Variants in PSD3 observed in about 807,000 individuals in gnomAD.
The protein encoded by PSD3 is PH and SEC7 domain-containing protein 3.
Under a neutral mutation model 105.5 loss-of-function variants are expected in PSD3, and 49 were observed. That is an observed-to-expected ratio of 0.46 (90% CI 0.37 to 0.59). The LOEUF (loss-of-function observed/expected upper bound fraction) is 0.59, where lower values mean the gene tolerates loss of function less well. Among genes scored for constraint, PSD3 ranks in the 20% least tolerant of loss-of-function variants. The pLI is 0.00. For synonymous variants in PSD3, 557 were observed against 457.8 expected (o/e 1.22, Z -2.77); for missense variants, 1,561 against 1,263.8 (o/e 1.24, Z -3.57).
rs553655398 is a variant in PSD3 at position 18,744,432 on chromosome 8, T to C, written c.2172+21017A>G. ...CCACTACTCATAACTCTACGTGGTC[T>C]TTTTAACAACTGTATTAATTACATG... On this transcript the variant is annotated intron_variant, in intron 9 of 15. Transcript: ENST00000327040. Among the ~76,000 whole-genome samples, 34 of 152,340 alleles carry C rather than the reference T, an allele frequency of 2.2e-4. 1 individual carries two copies. The highest frequency in any genetic ancestry group is 6.8e-3 in the Middle Eastern group (2 of 294).
intron 1 of PSD3, among the ~76,000 whole-genome samples, chr8:18,966,233 A>G (rs953067949): frequency 1.3e-5 from 2 of 152,122 alleles, no homozygotes; most frequent in African/African-American, 4.8e-5. Flanking sequence ...CTGCCATTCC[A>G]CTTCTCACAG....
At chr8:18,914,966 G>T (rs1820487178) in intron 2 of PSD3, among the ~76,000 whole-genome samples, 1 of 152,108 alleles carries the variant, frequency 6.6e-6, no homozygotes. Context: ...CGAAACTATG[G>T]TAACCAAAAC....
At chr8:18,561,894 C>T (rs957921226) in intron 14 of PSD3, among the ~76,000 whole-genome samples, 4 of 152,122 alleles carry the variant, frequency 2.6e-5, no homozygotes, top group Non-Finnish European at 5.9e-5. Flanking sequence ...TACAGTCCTT[C>T]TCCCCCGGTG....
intron 9 of PSD3, among the ~76,000 whole-genome samples, chr8:18,689,402 C>T (rs567460020): frequency 6.6e-6 from 1 of 152,268 alleles, no homozygotes; most frequent in African/African-American, 2.4e-5. Flanking sequence ...CTAAGAAAAT[C>T]TCACAGAACC....
At chr8:18,766,365 T>A (rs1160853606) in intron 8 of PSD3, among the ~76,000 whole-genome samples, 3 of 152,148 alleles carry the variant, frequency 2.0e-5, no homozygotes, top group Admixed American at 2.0e-4. Flanking sequence ...CACAGGTTTA[T>A]ATACACATAC....
intron 4 of PSD3, among the ~76,000 whole-genome samples, chr8:18,826,008 G>A (rs749140772): frequency 2.3e-4 from 35 of 152,194 alleles, no homozygotes; most frequent in Non-Finnish European, 1.6e-4. Flanking sequence ...GTGGTGGACT[G>A]AGTAAAGCGG....
intron 9 of PSD3, among the ~76,000 whole-genome samples, chr8:18,673,155 C>T (rs1799879269): frequency 6.6e-6 from 1 of 151,842 alleles, no homozygotes; most frequent in African/African-American, 2.4e-5. Context: ...AACTGCAGAA[C>T]TCTGGAAAGT....
chr8:18,901,703 G>A (rs990736907), intron 2 of PSD3, among the ~76,000 whole-genome samples: 1 of 152,102 alleles, frequency 6.6e-6, no homozygotes, highest in African/African-American at 2.4e-5. Context: ...AGCACTTTTT[G>A]TAAGGTTGGC....
At chr8:18,851,520 A>G (rs555011113) in intron 4 of PSD3, among the ~76,000 whole-genome samples, 28 of 152,254 alleles carry the variant, frequency 1.8e-4, no homozygotes, top group Non-Finnish European at 3.8e-4. Context: ...CTACGAGGCA[A>G]GCTCTTCGCT....
At chr8:18,879,340 T>C (rs1435134474) in intron 2 of PSD3, among the ~76,000 whole-genome samples, 1 of 152,192 alleles carries the variant, frequency 6.6e-6, no homozygotes, top group Non-Finnish European at 1.5e-5. Flanking sequence ...ACAGATTGCT[T>C]GCTTTACTAT....
At chr8:18,800,775 C>T (rs1008626864) in intron 7 of PSD3, among the ~76,000 whole-genome samples, 2 of 152,124 alleles carry the variant, frequency 1.3e-5, no homozygotes, top group African/African-American at 2.4e-5. Context: ...AGAGACACAG[C>T]GCAACCACCA....
chr8:18,749,327 G>A lies in PSD3; in HGVS notation c.2172+16122C>T, dbSNP rs542036700. On this transcript the variant is annotated intron_variant, in intron 9 of 15. Transcript: ENST00000327040. ...GCTCTATAGCACCCATCGGAACTAC[G>A]TTTCAATAGACGACAAGGTGCTACC... is the stretch of plus-strand genomic sequence containing the variant. Among the ~76,000 whole-genome samples the A allele has an allele frequency of 1.1e-3, 169 of 152,262 alleles. 1 individual carries two copies. Among genetic ancestry groups the A allele is most frequent in the South Asian group, 2.7e-3 (13 of 4,822 alleles).
chr8:18,544,878 T>G (rs1187418577), intron 15 of PSD3, among the ~76,000 whole-genome samples: 1 of 152,098 alleles, frequency 6.6e-6, no homozygotes, highest in African/African-American at 2.4e-5. Context: ...GACAGGCCCT[T>G]CAGAGAGGAA....
At chr8:19,018,509 A>G (rs1203283181), upstream of PSD3, among the ~76,000 whole-genome samples, 2 of 152,228 alleles carry the variant, frequency 1.3e-5, no homozygotes, top group Admixed American at 6.5e-5. Context: ...AAGAAAAAAC[A>G]TATAATTTTG....
At chr8:18,729,813 A>G (rs1044416144) in intron 9 of PSD3, among the ~76,000 whole-genome samples, 4 of 152,176 alleles carry the variant, frequency 2.6e-5, no homozygotes, top group Admixed American at 2.0e-4. Flanking sequence ...TACACAGGAG[A>G]AGGAAATAAA....
At chr8:18,707,162 T>C (rs1005826780) in intron 9 of PSD3, among the ~76,000 whole-genome samples, 1 of 152,178 alleles carries the variant, frequency 6.6e-6, no homozygotes, top group African/African-American at 2.4e-5. Context: ...TATTCTTCTC[T>C]GCCTGTCCAA....
chr8:18,959,505 T>C (rs1586528410), intron 1 of PSD3, among the ~76,000 whole-genome samples: 1 of 152,232 alleles, frequency 6.6e-6, no homozygotes, highest in South Asian at 2.1e-4. Context: ...CAGTCTCCTA[T>C]TCCAACTTTC....
intron 8 of PSD3, among the ~76,000 whole-genome samples, chr8:18,780,441 C>G (rs773554976): frequency 3.3e-5 from 5 of 151,926 alleles, no homozygotes; most frequent in Non-Finnish European, 5.9e-5. Context: ...GTACTTAATT[C>G]CTGTCATTTT....
chr8:18,739,904 G>A (rs1207419835), intron 9 of PSD3, among the ~76,000 whole-genome samples: 1 of 152,162 alleles, frequency 6.6e-6, no homozygotes, highest in East Asian at 1.9e-4. Context: ...GAAATCAGAT[G>A]AAAGTAACAT....
Sources: allele counts gnomAD v4.1 joint callset (sites outside exome capture counted in the v4.1 genomes callset), GRCh38; gene constraint gnomAD v4.1.1; transcripts MANE v1.5; gene names NCBI Gene and HGNC (gene_info 2026-07-23, HGNC 2026-07-21).